Variants in ARHGAP26 observed in about 807,000 individuals in gnomAD.
ARHGAP26 encodes Rho GTPase activating protein 26.
ARHGAP26 carries 38 observed loss-of-function variants against 104.8 expected under a neutral mutation model. That is an observed-to-expected ratio of 0.36 (90% confidence interval 0.28 to 0.48). The LOEUF is 0.48. Ranked by LOEUF, ARHGAP26 falls within the 20% of genes least tolerant of loss-of-function variation. The pLI is 0.99. For missense variants in ARHGAP26, 704 were observed against 947.9 expected, an observed-to-expected ratio of 0.74 and a Z score of 3.38; for synonymous variants, 341 against 340.0, an observed-to-expected ratio of 1.00 and a Z score of -0.03.
chr5:143,107,632 C>T (rs555050451), intron 17 of ARHGAP26, among the ~76,000 whole-genome samples: 56 of 152,302 alleles, frequency 3.7e-4, no homozygotes, highest in African/African-American at 1.3e-3. Context: ...TGAAAAATAT[C>T]TGTTTAGGTT....
At chr5:142,993,992 T>G (rs1776023706) in intron 11 of ARHGAP26, among the ~76,000 whole-genome samples, 1 of 152,244 alleles carries the variant, frequency 6.6e-6, no homozygotes, top group Non-Finnish European at 1.5e-5. Flanking sequence ...ATCTAAGATG[T>G]GCATTGACAA....
At chr5:142,978,675 C>T (rs937642576) in intron 11 of ARHGAP26, among the ~76,000 whole-genome samples, 2 of 151,854 alleles carry the variant, frequency 1.3e-5, no homozygotes, top group Admixed American at 6.6e-5. Context: ...ATGATACTTT[C>T]CACCTCTTGA....
intron 17 of ARHGAP26, among the ~76,000 whole-genome samples, chr5:143,071,907 AAAAC>A (rs904393693): frequency 2.2e-4 from 34 of 152,310 alleles, no homozygotes; most frequent in Admixed American, 1.2e-3. Context: ...TCCATCTCAA[AAAAC>A]AAACAAACAA....
chr5:142,914,465 AAATG>A (rs1762226743), intron 10 of ARHGAP26, among the ~76,000 whole-genome samples: 1 of 152,250 alleles, frequency 6.6e-6, no homozygotes, highest in Non-Finnish European at 1.5e-5. Flanking sequence ...CTCACCTGGA[AAATG>A]AAGTTCCCAG....
chr5:143,225,396 C>G lies in ARHGAP26; in HGVS notation c.*2950C>G, dbSNP rs1450079775. 5.3e-6 allele frequency: 1 copy of G among 187,044 alleles called. No individual in the cohort carries two copies. Among genetic ancestry groups the G allele is most frequent in the Non-Finnish European group, 1.1e-5 (1 of 88,756 alleles). The allele number at this position is 187,044 out of a possible 1,614,324, so 11.6% of individuals were successfully genotyped here. ...TAAAGATGGGGTTTTGCCATGTTTG[C>G]CAGGCTGATCTCGAACTCCTGACCT... is the stretch of plus-strand genomic sequence containing the variant. On this transcript the variant is annotated 3_prime_UTR_variant, in exon 23 of 23. Transcript: ENST00000645722.
At chr5:143,107,860 T>C (rs1164718056) in intron 17 of ARHGAP26, among the ~76,000 whole-genome samples, 1 of 152,242 alleles carries the variant, frequency 6.6e-6, no homozygotes, top group Non-Finnish European at 1.5e-5. Flanking sequence ...TCAATGAGTT[T>C]CCAGCTTTGT....
chr5:143,210,132 A>G (rs1293899512), intron 21 of ARHGAP26, among the ~76,000 whole-genome samples: 1 of 152,184 alleles, frequency 6.6e-6, no homozygotes, highest in East Asian at 1.9e-4. Context: ...GCTGATAAAA[A>G]CATACCCGAG....
chr5:143,051,955 C>G lies in ARHGAP26; in HGVS notation c.1286-2484C>G, dbSNP rs556919426. Among the ~76,000 whole-genome samples the G allele has an allele frequency of 7.2e-5, 11 of 152,196 alleles. No homozygotes were observed. The South Asian group carries it at 2.1e-3, about 29-fold the overall frequency. On this transcript the variant is annotated intron_variant, in intron 14 of 22. Coordinates refer to ENST00000645722, the MANE Select transcript of ARHGAP26 (RefSeq NM_001135608.3). ...AGGAACCATGCAGGATGGCAGCTCT[C>G]CACGTGTCTTAGGATGGGGAGGGAA...
chr5:142,848,232 T>C (rs570965615), intron 1 of ARHGAP26, among the ~76,000 whole-genome samples: 7 of 152,238 alleles, frequency 4.6e-5, no homozygotes, highest in Non-Finnish European at 1.0e-4. Flanking sequence ...TAAGTTGCTC[T>C]AGACACTAGT....
At chr5:143,036,355 C>T (rs2152875709) in intron 12 of ARHGAP26, among the ~76,000 whole-genome samples, 2 of 152,260 alleles carry the variant, frequency 1.3e-5, no homozygotes, top group South Asian at 4.2e-4. Flanking sequence ...TTAGAAGTTT[C>T]CAGCCTTGTG....
intron 17 of ARHGAP26, among the ~76,000 whole-genome samples, chr5:143,072,495 A>C (rs1233861373): frequency 6.6e-6 from 1 of 152,260 alleles, no homozygotes; most frequent in East Asian, 1.9e-4. Context: ...AAAATATGGT[A>C]CCAACCTATG....
intron 11 of ARHGAP26, among the ~76,000 whole-genome samples, chr5:143,002,950 C>A (rs980775887): frequency 6.6e-6 from 1 of 152,172 alleles, no homozygotes; most frequent in Non-Finnish European, 1.5e-5. Flanking sequence ...GCAGATCCTA[C>A]CCTCTGATGG....
At chr5:142,841,437 A>G (rs1291176426) in intron 1 of ARHGAP26, among the ~76,000 whole-genome samples, 1 of 152,222 alleles carries the variant, frequency 6.6e-6, no homozygotes, top group Non-Finnish European at 1.5e-5. Context: ...GTAATTAAGG[A>G]AAGATTGGGT....
At chr5:142,817,645 T>A (rs571875273) in intron 1 of ARHGAP26, among the ~76,000 whole-genome samples, 2 of 152,092 alleles carry the variant, frequency 1.3e-5, no homozygotes, top group African/African-American at 2.4e-5. Flanking sequence ...TGGGTGGCCA[T>A]GTAGTAAGTG....
At chr5:143,205,452 T>C (rs1215260455) in intron 20 of ARHGAP26, among the ~76,000 whole-genome samples, 1 of 152,234 alleles carries the variant, frequency 6.6e-6, no homozygotes, top group Non-Finnish European at 1.5e-5. Context: ...GAATTTAGAA[T>C]ATGTTGAGTC....
intron 11 of ARHGAP26, among the ~76,000 whole-genome samples, chr5:142,974,345 G>GT (rs1339110792): frequency 6.6e-6 from 1 of 151,822 alleles, no homozygotes; most frequent in Non-Finnish European, 1.5e-5. Context: ...TCTCGATGGT[G>GT]TATTATTGTT....
At chr5:142,927,344 A>G (rs1764059030) in intron 10 of ARHGAP26, among the ~76,000 whole-genome samples, 1 of 152,126 alleles carries the variant, frequency 6.6e-6, no homozygotes, top group Non-Finnish European at 1.5e-5. Flanking sequence ...AAAAAAAAAA[A>G]AATCACTCTT....
At chr5:142,881,899 TA>T (rs1757050227) in intron 4 of ARHGAP26, among the ~76,000 whole-genome samples, 2 of 152,180 alleles carry the variant, frequency 1.3e-5, no homozygotes, top group Non-Finnish European at 2.9e-5. Context: ...TCGGTTGCCA[TA>T]ACAGCCTGTT....
intron 20 of ARHGAP26, among the ~76,000 whole-genome samples, chr5:143,157,892 C>T (rs1453900150): frequency 6.6e-6 from 1 of 152,228 alleles, no homozygotes; most frequent in Non-Finnish European, 1.5e-5. Flanking sequence ...CAAGCCTCAG[C>T]TCTGCCATTT....
Sources: gnomAD v4.1 joint callset for allele counts (sites outside exome capture counted in the v4.1 genomes callset) on GRCh38, gnomAD v4.1.1 for gene constraint, MANE v1.5 for transcripts, NCBI Gene and HGNC (gene_info 2026-07-23, HGNC 2026-07-21) for gene names.